The following PRDM1 variants were observed in gnomAD, a reference collection of about 807,000 sequenced individuals.
PRDM1 encodes the protein PR domain zinc finger protein 1.
Under a neutral mutation model 62.8 loss-of-function variants are expected in PRDM1, and 13 were observed. That is an observed-to-expected ratio of 0.21 (90% CI 0.13 to 0.33). The LOEUF is 0.33. Ranked by LOEUF, PRDM1 falls within the 10% of genes least tolerant of loss-of-function variation. The pLI is 1.00. For synonymous variants in PRDM1, 396 were observed against 417.6 expected (o/e 0.95, Z 0.63); for missense variants, 895 against 1,058.8 (o/e 0.85, Z 2.15).
chr6:106,072,839 G>A (rs566136027), intron 1 of PRDM1, among the ~76,000 whole-genome samples: 1 of 152,328 alleles, frequency 6.6e-6, no homozygotes, highest in South Asian at 2.1e-4. Flanking sequence ...GTGCTTTGAA[G>A]GGAACCTTAC....
intron 1 of PRDM1, among the ~76,000 whole-genome samples, chr6:106,056,246 C>T (rs1582442292): frequency 6.6e-6 from 1 of 152,208 alleles, no homozygotes; most frequent in Admixed American, 6.5e-5. Context: ...GCAAGTGAGC[C>T]CTCAGCAGCG....
chr6:106,035,061 A>C (rs1417239895), intron 1 of PRDM1, among the ~76,000 whole-genome samples: 1 of 152,206 alleles, frequency 6.6e-6, no homozygotes, highest in Admixed American at 6.5e-5. Context: ...AAATATAATT[A>C]GTTCGTTATG....
Position 106,063,128 on chromosome 6 carries a change from A to G in PRDM1, c.-67+14414A>G, listed in dbSNP as rs146434919. On this transcript the variant is annotated intron_variant, in intron 1 of 6. Transcript: ENST00000651185. Reference sequence around the variant, plus strand: ...CTACCTTCAGGTCACGCGAAGGTCAATGTAAACTAACTCAACACCTCCTTT... The same window carrying G: ...CTACCTTCAGGTCACGCGAAGGTCAGTGTAAACTAACTCAACACCTCCTTT... 2.7e-3 allele frequency among the ~76,000 whole-genome samples: 417 copies of G among 152,312 alleles called. 2 individuals are homozygous for G. Among genetic ancestry groups the G allele is most frequent in the African/African-American group, 9.3e-3 (386 of 41,574 alleles).
chr6:106,084,486 CT>C (rs1182173930), upstream of PRDM1, among the ~76,000 whole-genome samples: 1 of 152,184 alleles, frequency 6.6e-6, no homozygotes, highest in Admixed American at 6.5e-5. Context: ...AAATATCAAA[CT>C]TTTTGCCTAT....
chr6:106,072,586 T>G (rs924876949), intron 1 of PRDM1, among the ~76,000 whole-genome samples: 1 of 152,232 alleles, frequency 6.6e-6, no homozygotes, highest in Non-Finnish European at 1.5e-5. Flanking sequence ...AACCCAGTCC[T>G]AATAAAACTC....
chr6:106,039,529 A>T (rs552419950), intron 1 of PRDM1, among the ~76,000 whole-genome samples: 147 of 152,296 alleles, frequency 9.7e-4, no homozygotes, highest in African/African-American at 3.4e-3. Flanking sequence ...CATTGTGCCA[A>T]TTTATCAAAA....
intron 1 of PRDM1, among the ~76,000 whole-genome samples, chr6:106,074,757 T>C (rs942935476): frequency 6.6e-6 from 1 of 152,124 alleles, no homozygotes; most frequent in Non-Finnish European, 1.5e-5. Flanking sequence ...GGCGGATCGC[T>C]TGAGGCCAGG....
At chr6:106,015,724 T>C (rs1688237572) in intron 1 of PRDM1, among the ~76,000 whole-genome samples, 1 of 152,208 alleles carries the variant, frequency 6.6e-6, no homozygotes, top group African/African-American at 2.4e-5. Context: ...ACAAACATTC[T>C]TAAATCCCAT....
At chr6:106,034,086 A>G (rs1293949118) in intron 1 of PRDM1, among the ~76,000 whole-genome samples, 1 of 152,114 alleles carries the variant, frequency 6.6e-6, no homozygotes, top group African/African-American at 2.4e-5. Flanking sequence ...TTTCTGTAGA[A>G]TCAGTAGTAA....
At chr6:106,002,311 T>A (rs1478186424) in intron 1 of PRDM1, among the ~76,000 whole-genome samples, 2 of 152,190 alleles carry the variant, frequency 1.3e-5, no homozygotes, top group African/African-American at 4.8e-5. Context: ...GTGTTTTAAT[T>A]TTTTAATTTA....
chr6:106,010,747 C>T (rs1582424829), intron 1 of PRDM1, among the ~76,000 whole-genome samples: 2 of 152,302 alleles, frequency 1.3e-5, no homozygotes, highest in East Asian at 1.9e-4. Context: ...ATTATCACCA[C>T]GTGCCCTGTC....
At chr6:106,074,888 C>T (rs1048533023) in intron 1 of PRDM1, among the ~76,000 whole-genome samples, 2 of 152,168 alleles carry the variant, frequency 1.3e-5, no homozygotes, top group African/African-American at 2.4e-5. Context: ...GCATGAGAAT[C>T]GCTTGAACCT....
chr6:106,007,224 G>A (rs1031118722), intron 1 of PRDM1, among the ~76,000 whole-genome samples: 4 of 151,846 alleles, frequency 2.6e-5, no homozygotes, highest in Non-Finnish European at 5.9e-5. Context: ...GAGGTCAGGA[G>A]TTCGAGACTT....
At position 106,104,793 on chromosome 6, in the gene PRDM1, T is replaced by A. The variant is rs1774394348; in HGVS notation, c.665-32T>A. 1.9e-6 allele frequency: 3 copies of A among 1,588,266 alleles called. No homozygotes were observed. The South Asian group carries it at 3.4e-5, about 18-fold the overall frequency. ...GTTTTGCTTCAGTTCTCTCTAGCCCTCTGTGTAATCGCCCCTTTTTCTTTA... is the reference window on the plus strand; with the variant it reads ...GTTTTGCTTCAGTTCTCTCTAGCCCACTGTGTAATCGCCCCTTTTTCTTTA... On this transcript the variant is annotated intron_variant, in intron 4 of 6. Transcript: ENST00000369096.
intron 1 of PRDM1, among the ~76,000 whole-genome samples, chr6:106,031,573 G>T (rs995498704): frequency 6.6e-6 from 1 of 152,234 alleles, no homozygotes; most frequent in African/African-American, 2.4e-5. Flanking sequence ...TTGGAGGGCA[G>T]AAGATTGAGG....
chr6:105,993,815 G>A (rs1018657467), intron 1 of PRDM1, among the ~76,000 whole-genome samples: 5 of 149,278 alleles, frequency 3.3e-5, no homozygotes, highest in East Asian at 1.9e-4. Context: ...ATCTCCGGCA[G>A]TGTTGATAGC....
In PRDM1 at chr6:106,061,341, G is replaced by A. The variant is rs567585685; in HGVS notation, c.-67+12627G>A. 2.8e-3 allele frequency among the ~76,000 whole-genome samples: 388 copies of A among 138,532 alleles called. 3 individuals are homozygous for A. Among genetic ancestry groups the A allele is most frequent in the African/African-American group, 0.01 (377 of 36,580 alleles). The allele number at this position is 138,532 out of a possible 152,430, so 90.9% of individuals were successfully genotyped here. A position where few individuals can be genotyped will look rare whatever the true frequency, so the allele number is the denominator to read the frequency against. ...AGCAGTTAGATGGTTCCACTGATCCGGACTGAGTGCCTTCCAGCAGTTCAG... is the reference window on the plus strand; with the variant it reads ...AGCAGTTAGATGGTTCCACTGATCCAGACTGAGTGCCTTCCAGCAGTTCAG... On this transcript the variant is annotated intron_variant, in intron 1 of 6. Transcript: ENST00000651185.
intron 1 of PRDM1, among the ~76,000 whole-genome samples, chr6:106,035,521 C>A (rs1772912233): frequency 6.6e-6 from 1 of 152,026 alleles, no homozygotes; most frequent in African/African-American, 2.4e-5. Flanking sequence ...CACAGCTACT[C>A]AAGAGGCTGA....
At position 106,107,142 on chromosome 6, in the gene PRDM1, G is replaced by A. The variant is rs2114663756; in HGVS notation, c.2134G>A (p.Ala712Thr). 2 of 1,614,194 alleles carry A rather than the reference G, an allele frequency of 1.2e-6. No individual in the cohort carries two copies. Among genetic ancestry groups the A allele is most frequent in the Non-Finnish European group, 1.7e-6 (2 of 1,179,998 alleles). Residue 712 changes from alanine to threonine, a missense_variant, in exon 7 of 7, where the codon GCG becomes ACG. Ala to Thr is a moderately conservative substitution (Grantham distance 58). Coordinates refer to ENST00000369096, the MANE Select transcript of PRDM1 (RefSeq NM_001198.4). The part of the protein sequence containing the change: ...LKVHLKGNCA[A>T]APAPGLPLED... ...GGTTCACCTGAAAGGGAACTGCGCT[G>A]CGGCCCCGGCGCCTGGGCTGCCCTT...
Sources: gnomAD v4.1 joint callset for allele counts (sites outside exome capture counted in the v4.1 genomes callset) on GRCh38, gnomAD v4.1.1 for gene constraint, MANE v1.5 for transcripts, NCBI Gene and HGNC (gene_info 2026-07-23, HGNC 2026-07-21) for gene names.